Variants in CFAP299 observed in about 807,000 individuals in gnomAD.
CFAP299 encodes cilia- and flagella-associated protein 299.
CFAP299 carries 21 observed loss-of-function variants against 27.0 expected under a neutral mutation model. That is an observed-to-expected ratio of 0.78 (90% CI 0.55 to 1.12). The LOEUF is 1.12. CFAP299 is among the 50% of genes most tolerant of loss of function. The pLI is 0.00. For missense variants in CFAP299, 310 were observed against 276.6 expected (o/e 1.12, Z -0.86); for synonymous variants, 104 against 98.1 (o/e 1.06, Z -0.36).
upstream of CFAP299, among the ~76,000 whole-genome samples, chr4:80,333,590 A>G (rs905497956): frequency 6.6e-6 from 1 of 151,952 alleles, no homozygotes; most frequent in African/African-American, 2.4e-5. Context: ...TGTAGAGCTT[A>G]ATTTGAAACT....
the CFAP299 span, among the ~76,000 whole-genome samples, chr4:80,326,206 C>T: frequency 1.3e-5 from 2 of 151,962 alleles, no homozygotes; most frequent in African/African-American, 2.4e-5. Context: ...GAACTGTATC[C>T]TTGCATTTAT....
chr4:80,392,803 G>T, intron 2 of CFAP299, among the ~76,000 whole-genome samples: 1 of 152,162 alleles, frequency 6.6e-6, no homozygotes, highest in East Asian at 1.9e-4. Context: ...ATTGTGTATA[G>T]TACATACTAC....
chr4:80,413,002 T>C (rs139762224), intron 2 of CFAP299, among the ~76,000 whole-genome samples: 7 of 152,324 alleles, frequency 4.6e-5, no homozygotes, highest in African/African-American at 1.7e-4. Flanking sequence ...ATAAAATAAG[T>C]AACAGATTTC....
intron 3 of CFAP299, among the ~76,000 whole-genome samples, chr4:80,637,304 A>G (rs1012320793): frequency 3.9e-5 from 6 of 152,216 alleles, no homozygotes; most frequent in Non-Finnish European, 8.8e-5. Flanking sequence ...AATAGATATA[A>G]TATAATGTAC....
At chr4:80,661,616 T>C (rs1375783545) in intron 3 of CFAP299, among the ~76,000 whole-genome samples, 1 of 152,136 alleles carries the variant, frequency 6.6e-6, no homozygotes, top group African/African-American at 2.4e-5. Context: ...AGGATGAATG[T>C]CGCCTCAGGA....
intron 2 of CFAP299, among the ~76,000 whole-genome samples, chr4:80,383,092 G>A (rs1724792961): frequency 6.6e-6 from 1 of 152,124 alleles, no homozygotes; most frequent in East Asian, 1.9e-4. Context: ...AGAAAACCAA[G>A]TATTGTATGT....
In CFAP299 at chr4:80,645,774, CAT is replaced by C. The variant is rs138252829; in HGVS notation, c.333+62592_333+62593del. On this transcript the variant is annotated intron_variant, in intron 3 of 5. Coordinates refer to ENST00000358105, the MANE Select transcript of CFAP299 (RefSeq NM_152770.3). ...TTGGGAAGAGATGTTTGGCCCCTATCATGTGTTGTTCTTTCTCTTACATAGCA... is the reference window on the plus strand; with the variant it reads ...TTGGGAAGAGATGTTTGGCCCCTATCGTGTTGTTCTTTCTCTTACATAGCA... Among the ~76,000 whole-genome samples the C allele has an allele frequency of 2.7e-3, 417 of 152,270 alleles. 7 individuals are homozygous for C. Among genetic ancestry groups the C allele is most frequent in the East Asian group, 5.4e-3 (28 of 5,184 alleles).
At chr4:80,863,842 C>G (rs929587466) in intron 3 of CFAP299, among the ~76,000 whole-genome samples, 2 of 151,662 alleles carry the variant, frequency 1.3e-5, no homozygotes, top group African/African-American at 2.4e-5. Flanking sequence ...TTTTTAAAAG[C>G]CTTTTAATAT....
intron 2 of CFAP299, among the ~76,000 whole-genome samples, chr4:80,407,227 A>G (rs1726476019): frequency 6.6e-6 from 1 of 152,210 alleles, no homozygotes; most frequent in Non-Finnish European, 1.5e-5. Flanking sequence ...GACTACTTCA[A>G]CTAAAGGTGT....
intron 2 of CFAP299, among the ~76,000 whole-genome samples, chr4:80,517,067 C>T (rs1732624933): frequency 6.6e-6 from 1 of 152,168 alleles, no homozygotes; most frequent in African/African-American, 2.4e-5. Context: ...GACAGATGAG[C>T]TTCCATTGGA....
At chr4:80,737,744 A>G (rs1162963290) in intron 3 of CFAP299, among the ~76,000 whole-genome samples, 1 of 152,080 alleles carries the variant, frequency 6.6e-6, no homozygotes, top group Non-Finnish European at 1.5e-5. Flanking sequence ...AAACAAAAAA[A>G]GAAGAAAAAA....
At chr4:80,621,302 A>G (rs1261582540) in intron 3 of CFAP299, among the ~76,000 whole-genome samples, 1 of 152,162 alleles carries the variant, frequency 6.6e-6, no homozygotes, top group African/African-American at 2.4e-5. Context: ...TAGTTTATGA[A>G]TGATTAAGTA....
intron 3 of CFAP299, among the ~76,000 whole-genome samples, chr4:80,845,768 C>A (rs1731150098): frequency 6.6e-6 from 1 of 151,752 alleles, no homozygotes; most frequent in African/African-American, 2.4e-5. Context: ...TGGTTTTGGG[C>A]AAAATAATTT....
intron 2 of CFAP299, among the ~76,000 whole-genome samples, chr4:80,365,578 CT>C (rs1384457018): frequency 6.6e-6 from 1 of 152,160 alleles, no homozygotes; most frequent in African/African-American, 2.4e-5. Flanking sequence ...TCACTATCAA[CT>C]TCTATTCTTG....
chr4:80,593,961 GT>G (rs1337762494), intron 3 of CFAP299, among the ~76,000 whole-genome samples: 1 of 151,866 alleles, frequency 6.6e-6, no homozygotes, highest in East Asian at 1.9e-4. Context: ...TCCAAAAGTT[GT>G]TTTTTAGTTG....
chr4:80,401,940 A>G (rs868120540), intron 2 of CFAP299, among the ~76,000 whole-genome samples: 1 of 152,288 alleles, frequency 6.6e-6, no homozygotes, highest in East Asian at 1.9e-4. Flanking sequence ...TGAGAGTTGG[A>G]ATCAAAGGAG....
At chr4:80,557,810 C>A (rs892440740) in intron 2 of CFAP299, among the ~76,000 whole-genome samples, 1 of 152,094 alleles carries the variant, frequency 6.6e-6, no homozygotes. Flanking sequence ...AGAACAAACA[C>A]AAAATAATTT....
In CFAP299 at chr4:80,567,785, A is replaced by G. The variant is rs76644539; in HGVS notation, c.243-15308A>G. Among the ~76,000 whole-genome samples, 885 of 150,976 alleles carry G rather than the reference A, an allele frequency of 5.9e-3. 6 individuals carry two copies. Among genetic ancestry groups the G allele is most frequent in the African/African-American group, 0.02 (826 of 41,116 alleles). ...AGATTTTGTTGTTTAAATACAAACGAAAAGTTGTTTAAAGTCTAGGAAACC... is the reference window on the plus strand; with the variant it reads ...AGATTTTGTTGTTTAAATACAAACGGAAAGTTGTTTAAAGTCTAGGAAACC... On this transcript the variant is annotated intron_variant, in intron 2 of 5. Transcript: ENST00000358105.
intron 2 of CFAP299, among the ~76,000 whole-genome samples, chr4:80,506,763 A>T (rs1430095988): frequency 1.3e-5 from 2 of 152,148 alleles, no homozygotes; most frequent in East Asian, 3.9e-4. Flanking sequence ...ACTCTGAATG[A>T]TCTGAAAAGC....
Sources: allele counts gnomAD v4.1 joint callset (sites outside exome capture counted in the v4.1 genomes callset), GRCh38; gene constraint gnomAD v4.1.1; transcripts MANE v1.5; gene names NCBI Gene and HGNC (gene_info 2026-07-23, HGNC 2026-07-21).